Variants in MYRFL observed in about 807,000 individuals in gnomAD.
MYRFL encodes myelin regulatory factor-like protein.
MYRFL carries 88 observed loss-of-function variants against 109.4 expected under a neutral mutation model. That is an observed-to-expected ratio of 0.80 (90% CI 0.68 to 0.96). MYRFL has a LOEUF of 0.96. Ranked by LOEUF, MYRFL falls within the 40% of genes least tolerant of loss-of-function variation. MYRFL has a pLI of 0.00. For synonymous variants in MYRFL, 324 were observed against 320.9 expected (o/e 1.01, Z -0.10); for missense variants, 957 against 954.9 (o/e 1.00, Z -0.03).
At chr12:69,948,608 C>G (rs1955895703) in intron 19 of MYRFL, among the ~76,000 whole-genome samples, 1 of 152,164 alleles carries the variant, frequency 6.6e-6, no homozygotes, top group Non-Finnish European at 1.5e-5. Context: ...CAGTCTTAAG[C>G]AAAACTAATA....
At chr12:69,932,648 C>A in intron 16 of MYRFL, 50 bp downstream of exon 16, 1 of 1,375,168 alleles carries the variant, frequency 7.3e-7, no homozygotes, top group South Asian at 1.2e-5. Context: ...TGTTCCTTCC[C>A]ATGTTTCTTT....
chr12:69,932,452 G>C (rs1955300303), intron 15 of MYRFL, 61 bp from the exon 16 acceptor site: 1 of 1,144,854 alleles, frequency 8.7e-7, no homozygotes, highest in Non-Finnish European at 1.3e-6. Flanking sequence ...AGTTCTCCAG[G>C]CTCCCTTCTC....
At chr12:69,938,604 C>T (rs1308037129) in intron 19 of MYRFL, among the ~76,000 whole-genome samples, 1 of 151,980 alleles carries the variant, frequency 6.6e-6, no homozygotes, top group African/African-American at 2.4e-5. Flanking sequence ...TTGTACAGGC[C>T]AGGCTAATGT....
intron 1 of MYRFL, among the ~76,000 whole-genome samples, chr12:69,841,678 C>T (rs1016281450): frequency 6.6e-6 from 1 of 152,158 alleles, no homozygotes; most frequent in South Asian, 2.1e-4. Flanking sequence ...GCCTTGTTGA[C>T]CCCCGCTCTT....
chr12:69,835,882 A>C (rs1882907984), intron 1 of MYRFL, among the ~76,000 whole-genome samples: 1 of 152,156 alleles, frequency 6.6e-6, no homozygotes, highest in Non-Finnish European at 1.5e-5. Context: ...CAGCTCCTAA[A>C]GCCCCAGTGG....
intron 2 of MYRFL, among the ~76,000 whole-genome samples, chr12:69,871,556 C>T (rs1039885922): frequency 3.3e-5 from 5 of 152,220 alleles, no homozygotes; most frequent in Non-Finnish European, 5.9e-5. Flanking sequence ...TTTTATTGCC[C>T]TATATCTAAA....
chr12:69,897,388 A>C lies in MYRFL; in HGVS notation c.1182+142A>C, dbSNP rs546870783. On this transcript the variant is annotated intron_variant, in intron 10 of 24. Transcript: ENST00000552032. Reference sequence around the variant, plus strand: ...CAGAAACTATTATTTTAGTTTTCACACAGTGGTTCACAACCAAGGGCAATT... The same window carrying C: ...CAGAAACTATTATTTTAGTTTTCACCCAGTGGTTCACAACCAAGGGCAATT... 7 of 712,902 alleles carry C rather than the reference A, an allele frequency of 9.8e-6. No homozygotes were observed. In the African/African-American group the frequency reaches 1.1e-4, roughly 11 times the overall value. The allele number at this position is 712,902 out of a possible 1,614,324, so 44.2% of individuals were successfully genotyped here.
intron 13 of MYRFL, among the ~76,000 whole-genome samples, chr12:69,917,934 T>A (rs747177127): frequency 1.3e-5 from 2 of 148,410 alleles, no homozygotes; most frequent in Non-Finnish European, 3.0e-5. Context: ...AAGGTGACTG[T>A]GAGTGTAGAA....
rs7305257 is a variant in MYRFL at position 69,884,675 on chromosome 12, C to A, written c.557-2145C>A. On this transcript the variant is annotated intron_variant, in intron 5 of 24. Coordinates refer to ENST00000552032, the MANE Select transcript of MYRFL (RefSeq NM_182530.3). Reference sequence around the variant, plus strand: ...TCGATAGAGCTACCATGGAGGCCAACAACAGGAGTATTTCCCAAGGCTTCT... The same window carrying A: ...TCGATAGAGCTACCATGGAGGCCAAAAACAGGAGTATTTCCCAAGGCTTCT... Among the ~76,000 whole-genome samples the A allele has an allele frequency of 9.6e-3, 1,462 of 152,282 alleles. 28 individuals carry two copies. Among genetic ancestry groups the A allele is most frequent in the African/African-American group, 0.033 (1,380 of 41,548 alleles).
At chr12:69,850,670 A>T (rs763385103) in intron 1 of MYRFL, among the ~76,000 whole-genome samples, 2 of 152,014 alleles carry the variant, frequency 1.3e-5, no homozygotes, top group Non-Finnish European at 2.9e-5. Flanking sequence ...ATTTTTGTTG[A>T]TTATATTATT....
intron 22 of MYRFL, among the ~76,000 whole-genome samples, chr12:69,955,844 C>T (rs1199639205): frequency 1.1e-4 from 13 of 120,720 alleles, no homozygotes; most frequent in African/African-American, 4.3e-4. Flanking sequence ...TTCCAAAAGA[C>T]AGAAAAAAAA....
intron 13 of MYRFL, among the ~76,000 whole-genome samples, chr12:69,924,926 A>G (rs1438288833): frequency 6.6e-6 from 1 of 152,192 alleles, no homozygotes; most frequent in East Asian, 1.9e-4. Flanking sequence ...ACTTGTGTCC[A>G]TTCTTACTGA....
chr12:69,881,293 G>A (rs1886090002), intron 5 of MYRFL, among the ~76,000 whole-genome samples: 1 of 152,086 alleles, frequency 6.6e-6, no homozygotes, highest in African/African-American at 2.4e-5. Flanking sequence ...ATTAGCAACT[G>A]TAAACACTCA....
At chr12:69,856,432 T>G (rs1884288248) in intron 2 of MYRFL, among the ~76,000 whole-genome samples, 1 of 152,138 alleles carries the variant, frequency 6.6e-6, no homozygotes, top group Non-Finnish European at 1.5e-5. Context: ...GGATAAGAAC[T>G]GCTGGATCAT....
At position 69,891,284 on chromosome 12, in the gene MYRFL, G is replaced by C. The variant is rs977735120; in HGVS notation, c.903+118G>C. On this transcript the variant is annotated intron_variant, in intron 7 of 24. Transcript: ENST00000552032. ...AAAATAATAACAGTCCTTTATTTTG[G>C]TCACAAATCTGCAACTGGGTCAGCG... is the stretch of plus-strand genomic sequence containing the variant. 48 of 765,394 alleles carry C rather than the reference G, an allele frequency of 6.3e-5. No homozygotes were observed. The East Asian group carries it at 1.4e-3, about 22-fold the overall frequency. 47.4% of individuals were successfully genotyped at this position (765,394 alleles called of 1,614,324 possible).
At chr12:69,832,018 T>C (rs1882658834) in intron 1 of MYRFL, among the ~76,000 whole-genome samples, 1 of 152,142 alleles carries the variant, frequency 6.6e-6, no homozygotes, top group Non-Finnish European at 1.5e-5. Flanking sequence ...GTCTTGTTCT[T>C]TGAGGAAATT....
At chr12:69,868,832 C>CACACACATGCACAGCAT (rs1297125989) in intron 2 of MYRFL, among the ~76,000 whole-genome samples, 1 of 152,214 alleles carries the variant, frequency 6.6e-6, no homozygotes, top group Non-Finnish European at 1.5e-5. Context: ...TGCACATGTA[C>CACACACATGCACAGCAT]ACACACATGC....
At chr12:69,926,932 GGTTTTTTTTTTTTTTTTTT>G (rs1955108658) in intron 14 of MYRFL, among the ~76,000 whole-genome samples, 198 bp downstream of exon 14, 1 of 76,872 alleles carries the variant, frequency 1.3e-5, no homozygotes, top group Non-Finnish European at 2.6e-5. Flanking sequence ...TTCTGTTGCT[GGTTTTTTTTTTTTTTTTTT>G]TTTTTTTTTT....
intron 1 of MYRFL, among the ~76,000 whole-genome samples, chr12:69,841,064 A>G (rs1883215481): frequency 6.6e-6 from 1 of 152,184 alleles, no homozygotes; most frequent in Non-Finnish European, 1.5e-5. Context: ...AACTGATTAG[A>G]TTCTTCTTGG....
Sources: gnomAD v4.1 joint callset for allele counts (sites outside exome capture counted in the v4.1 genomes callset) on GRCh38, gnomAD v4.1.1 for gene constraint, MANE v1.5 for transcripts, NCBI Gene and HGNC (gene_info 2026-07-23, HGNC 2026-07-21) for gene names.